ZNF714: variants seen among roughly 807,000 people sequenced by gnomAD.
The protein encoded by ZNF714 is zinc finger protein 714.
ZNF714 carries 32 observed loss-of-function variants against 46.2 expected under a neutral mutation model. That is an observed-to-expected ratio of 0.69 (90% confidence interval 0.52 to 0.93). ZNF714 has a LOEUF of 0.93. ZNF714 is among the 40% of genes least tolerant of loss of function. The probability of loss-of-function intolerance (pLI) is 0.00; values close to 1 mark genes in which losing one functional copy is unlikely to be tolerated. For synonymous variants in ZNF714, 199 were observed against 213.1 expected, an observed-to-expected ratio of 0.93 and a Z score of 0.58; for missense variants, 635 against 646.3, an observed-to-expected ratio of 0.98 and a Z score of 0.19.
rs140392613 is a variant in ZNF714, at chr19:21,115,688, G to A, written c.143-1119G>A. The stretch of plus-strand genomic sequence containing the variant: ...TATCTTGCAGCTCCATTCTCTTCTT[G>A]TCTGTGGTTTTTGAAATTGTGCTTA... On this transcript the variant is annotated intron_variant, in intron 4 of 4. Coordinates refer to ENST00000456283, the MANE Select transcript of ZNF714 (RefSeq NM_182515.4). Among the ~76,000 whole-genome samples, 315 of 151,636 alleles carry A rather than the reference G, an allele frequency of 2.1e-3. 1 individual carries two copies. Among genetic ancestry groups the A allele is most frequent in the African/African-American group, 7.0e-3 (291 of 41,402 alleles).
intron 4 of ZNF714, 99 bp downstream of exon 4, chr19:21,099,009 G>GT (rs140845152): frequency 0.071 from 49,241 of 689,054 alleles, 2,355 homozygotes; most frequent in Non-Finnish European, 0.077. Flanking sequence ...TTGGGAAGCT[G>GT]TTTTGCAAAG....
At chr19:21,106,118 T>C (rs1460415528) in intron 4 of ZNF714, among the ~76,000 whole-genome samples, 2 of 150,894 alleles carry the variant, frequency 1.3e-5, no homozygotes, top group East Asian at 3.9e-4. Context: ...AGCTGGACAT[T>C]GTGGCATGTG....
chr19:21,116,214 G>C (rs1298308393), intron 4 of ZNF714, among the ~76,000 whole-genome samples: 2 of 152,052 alleles, frequency 1.3e-5, no homozygotes, highest in African/African-American at 4.8e-5. Flanking sequence ...TTACTTTTTA[G>C]TTAAAGGAGT....
rs1969608638 is a variant in ZNF714 at position 21,116,927 on chromosome 19, G to T, written c.263G>T (p.Gly88Val). The change falls in exon 5 of 5, where the codon GGC becomes GTC. Residue 88 changes from glycine to valine, a missense_variant. Transcript: ENST00000456283. ...CATGAGAATTTACAGTTAAGAAAAG[G>T]CTCCGCAAATGTGGTTGAGTGTAAG... ...CEHENLQLRK[G>V]SANVVECKVY... 1.2e-6 allele frequency: 2 copies of T among 1,613,836 alleles called. No individual in the cohort carries two copies. The highest frequency in any genetic ancestry group is 1.7e-6 in the Non-Finnish European group (2 of 1,179,892).
chr19:21,083,211 G>A (rs1396372909), intron 1 of ZNF714, among the ~76,000 whole-genome samples: 2 of 152,016 alleles, frequency 1.3e-5, no homozygotes, highest in Non-Finnish European at 2.9e-5. Context: ...TAATTTTGTG[G>A]TTTTAGTAGA....
chr19:21,115,878 T>C (rs1420564224), intron 4 of ZNF714, among the ~76,000 whole-genome samples: 2 of 149,664 alleles, frequency 1.3e-5, no homozygotes, highest in South Asian at 2.1e-4. Context: ...TTTTTTCTTA[T>C]CAGTTTTTTC....
intron 4 of ZNF714, among the ~76,000 whole-genome samples, chr19:21,101,587 T>G: frequency 6.6e-6 from 1 of 152,092 alleles, no homozygotes; most frequent in Non-Finnish European, 1.5e-5. Context: ...CTGTGTGAGT[T>G]TCTACTTAAG....
rs1268474117 is a variant in ZNF714 at position 21,124,403 on chromosome 19, A to G, written c.*6071A>G. On this transcript the variant is annotated 3_prime_UTR_variant, in exon 5 of 5. Transcript: ENST00000456283. ...ATTATGACTAAAAAATTAAATGACA[A>G]TAGTCCCCAAACTATGTATTTTCAT... Among the ~76,000 whole-genome samples the G allele has an allele frequency of 2.0e-5, 3 of 152,216 alleles. No homozygotes were observed. The highest frequency in any genetic ancestry group is 6.5e-5 in the Admixed American group (1 of 15,284).
chr19:21,082,655 C>CCG, intron 1 of ZNF714, among the ~76,000 whole-genome samples: 1 of 151,992 alleles, frequency 6.6e-6, no homozygotes, highest in South Asian at 2.1e-4. Flanking sequence ...TGGAGGGTCC[C>CCG]AGGGGTAGAA....
At position 21,086,533 on chromosome 19, in the gene ZNF714, C is replaced by T. The variant is rs148578057; in HGVS notation, c.-85+2464C>T. Among the ~76,000 whole-genome samples the T allele has an allele frequency of 5.0e-3, 768 of 152,208 alleles. 5 individuals are homozygous for T. The highest frequency in any genetic ancestry group is 0.016 in the African/African-American group (671 of 41,546). Reference sequence around the variant, plus strand: ...CCATGGCATTTGTAAACTGTTACGACACTGGTAAGAGTGTAGCAGTGAGGG... The same window carrying T: ...CCATGGCATTTGTAAACTGTTACGATACTGGTAAGAGTGTAGCAGTGAGGG... On this transcript the variant is annotated intron_variant, in intron 2 of 4. Coordinates refer to ENST00000456283, the MANE Select transcript of ZNF714 (RefSeq NM_182515.4).
intron 1 of ZNF714, 131 bp downstream of exon 1, chr19:21,082,479 A>G: frequency 1.1e-6 from 1 of 938,096 alleles, no homozygotes. Flanking sequence ...CTCCTTGCTC[A>G]GCTCGGCCTC....
intron 2 of ZNF714, among the ~76,000 whole-genome samples, chr19:21,088,162 G>T (rs1313394922): frequency 6.6e-6 from 1 of 152,080 alleles, no homozygotes; most frequent in East Asian, 1.9e-4. Flanking sequence ...TCTTTAAGAG[G>T]CCTAGTAACC....
At chr19:21,092,561 T>C (rs1968934914) in intron 2 of ZNF714, among the ~76,000 whole-genome samples, 1 of 152,118 alleles carries the variant, frequency 6.6e-6, no homozygotes, top group South Asian at 2.1e-4. Context: ...ATTGCATTCT[T>C]CCCCACGCAT....
At chr19:21,082,385 A>G in intron 1 of ZNF714, 37 bp downstream of exon 1, 1 of 1,454,814 alleles carries the variant, frequency 6.9e-7, no homozygotes, top group Non-Finnish European at 9.3e-7. Flanking sequence ...AGAGAGGGGA[A>G]GGGGCGGGTT....
In ZNF714 at chr19:21,118,325, G is replaced by A. The variant is rs1026418408; in HGVS notation, c.1661G>A (p.Arg554His). The change falls in exon 5 of 5, where the codon CGC becomes CAC. Residue 554 changes from arginine (R) to histidine (H), a missense_variant. Coordinates refer to ENST00000456283, the MANE Select transcript of ZNF714 (RefSeq NM_182515.4). ...AAATTTGCTGGGTGTGGTGGCAGGC[G>A]CCTGTAATCCCAGCTACTTGGGAGG... ...IQKFAGCGGRRL is the reference protein window; with the variant it reads ...IQKFAGCGGRHL 54 of 825,064 alleles carry A rather than the reference G, an allele frequency of 6.5e-5. No homozygotes were observed. Among genetic ancestry groups the A allele is most frequent in the East Asian group, 5.4e-4 (20 of 37,258 alleles). 51.1% of individuals were successfully genotyped at this position (825,064 alleles called of 1,614,324 possible).
intron 4 of ZNF714, among the ~76,000 whole-genome samples, chr19:21,110,349 A>T (rs1969423565): frequency 6.6e-6 from 1 of 152,072 alleles, no homozygotes; most frequent in Non-Finnish European, 1.5e-5. Context: ...ATGATCACTG[A>T]TGTTGAGCTT....
chr19:21,084,249 G>A (rs752762536), intron 2 of ZNF714, among the ~76,000 whole-genome samples, 180 bp downstream of exon 2: 4 of 150,396 alleles, frequency 2.7e-5, no homozygotes, highest in Non-Finnish European at 4.4e-5. Flanking sequence ...AAAAAATCAA[G>A]CAAACAAACA....
intron 4 of ZNF714, among the ~76,000 whole-genome samples, chr19:21,104,612 T>A (rs938602236): frequency 1.1e-4 from 14 of 128,636 alleles, no homozygotes; most frequent in Admixed American, 8.9e-4. Context: ...ATTTATATAT[T>A]TATTTATTTA....
At position 21,124,648 on chromosome 19, in the gene ZNF714, T is replaced by C. The variant is rs772879381; in HGVS notation, c.*6316T>C. 6.6e-6 allele frequency among the ~76,000 whole-genome samples: 1 copy of C among 152,196 alleles called. No homozygotes were observed. Among genetic ancestry groups the C allele is most frequent in the African/African-American group, 2.4e-5 (1 of 41,464 alleles). On this transcript the variant is annotated 3_prime_UTR_variant, in exon 5 of 5. Coordinates refer to ENST00000456283, the MANE Select transcript of ZNF714 (RefSeq NM_182515.4). ...TCTTATCATTTTTCAAAAATCCAAATACATTATTATGAACTATAGTCACCA... is the reference window on the plus strand; with the variant it reads ...TCTTATCATTTTTCAAAAATCCAAACACATTATTATGAACTATAGTCACCA...
Sources: gnomAD v4.1 joint callset for allele counts (sites outside exome capture counted in the v4.1 genomes callset) on GRCh38, gnomAD v4.1.1 for gene constraint, MANE v1.5 for transcripts, NCBI Gene and HGNC (gene_info 2026-07-23, HGNC 2026-07-21) for gene names.